Variants in NMNAT2 observed in about 807,000 individuals in gnomAD.
NMNAT2 encodes nicotinamide/nicotinic acid mononucleotide adenylyltransferase 2.
NMNAT2 carries 11 observed loss-of-function variants against 41.6 expected under a neutral mutation model. That is an observed-to-expected ratio of 0.26 (90% confidence interval 0.17 to 0.44). The LOEUF (loss-of-function observed/expected upper bound fraction) is 0.44, where lower values mean the gene tolerates loss of function less well. NMNAT2 is among the 20% of genes least tolerant of loss of function. The pLI is 1.00. For synonymous variants in NMNAT2, 148 were observed against 151.2 expected (o/e 0.98, Z 0.16); for missense variants, 288 against 407.7 (o/e 0.71, Z 2.53).
chr1:183,399,985 C>G, intron 1 of NMNAT2, among the ~76,000 whole-genome samples: 1 of 152,154 alleles, frequency 6.6e-6, no homozygotes, highest in East Asian at 1.9e-4. Context: ...TGGAAGCATT[C>G]CCTTTGAAAA....
At chr1:183,411,740 A>G (rs1649123414) in intron 1 of NMNAT2, among the ~76,000 whole-genome samples, 1 of 152,230 alleles carries the variant, frequency 6.6e-6, no homozygotes, top group Non-Finnish European at 1.5e-5. Context: ...AATAATAAGC[A>G]TAAGAAAACA....
intron 1 of NMNAT2, among the ~76,000 whole-genome samples, chr1:183,402,234 T>C (rs754307140): frequency 5.3e-5 from 8 of 152,188 alleles, no homozygotes; most frequent in Non-Finnish European, 1.2e-4. Context: ...TTCAAATCAC[T>C]GATCTTTGTT....
intron 1 of NMNAT2, among the ~76,000 whole-genome samples, chr1:183,378,830 G>A (rs553513160): frequency 9.9e-5 from 15 of 152,130 alleles, no homozygotes; most frequent in Admixed American, 3.3e-4. Context: ...ATTGCTTAAG[G>A]CCAGAAGTTC....
In NMNAT2 at chr1:183,381,395, A is replaced by G. The variant is rs577335023; in HGVS notation, c.85+36788T>C. Among the ~76,000 whole-genome samples, 6 of 152,308 alleles carry G rather than the reference A, an allele frequency of 3.9e-5. No homozygotes were observed. The South Asian group carries it at 1.0e-3, about 26-fold the overall frequency. ...TAATAATGGGTACTATTTTACCTCA[A>G]TAAAAAATAAATGAATAAGGCCAGG... On this transcript the variant is annotated intron_variant, in intron 1 of 10. Coordinates refer to ENST00000287713, the MANE Select transcript of NMNAT2 (RefSeq NM_015039.4).
intron 1 of NMNAT2, among the ~76,000 whole-genome samples, chr1:183,357,624 T>C (rs1663223949): frequency 2.0e-5 from 3 of 152,206 alleles, no homozygotes; most frequent in South Asian, 4.1e-4. Context: ...CTATCAACAG[T>C]GTACAAGCGT....
intron 8 of NMNAT2, among the ~76,000 whole-genome samples, chr1:183,277,657 C>A (rs1661155812): frequency 6.6e-6 from 1 of 151,970 alleles, no homozygotes; most frequent in Non-Finnish European, 1.5e-5. Flanking sequence ...CATAAATGTA[C>A]ACGAACATAT....
At chr1:183,375,423 G>A (rs1663654866) in intron 1 of NMNAT2, among the ~76,000 whole-genome samples, 1 of 152,012 alleles carries the variant, frequency 6.6e-6, no homozygotes, top group Non-Finnish European at 1.5e-5. Context: ...TCTATTTCCT[G>A]AGCCTGACTT....
In NMNAT2 at chr1:183,317,747, G is replaced by A. The variant is rs563891862; in HGVS notation, c.86-23954C>T. Among the ~76,000 whole-genome samples, 43 of 152,314 alleles carry A rather than the reference G, an allele frequency of 2.8e-4. 1 individual carries two copies. The highest frequency in any genetic ancestry group is 3.4e-3 in the Middle Eastern group (1 of 294). On this transcript the variant is annotated intron_variant, in intron 1 of 10. Transcript: ENST00000287713. ...CTGCCTAAGATAACCCCAAGGGCTGGAAGTGGATTCATGAACCCCCACCCA... is the reference window on the plus strand; with the variant it reads ...CTGCCTAAGATAACCCCAAGGGCTGAAAGTGGATTCATGAACCCCCACCCA...
At chr1:183,398,033 A>G (rs565389586) in intron 1 of NMNAT2, among the ~76,000 whole-genome samples, 25 of 152,354 alleles carry the variant, frequency 1.6e-4, no homozygotes, top group South Asian at 6.2e-4. Flanking sequence ...TAACATCATA[A>G]TGACAGGATC....
At chr1:183,366,563 T>C (rs1663418225) in intron 1 of NMNAT2, among the ~76,000 whole-genome samples, 1 of 152,206 alleles carries the variant, frequency 6.6e-6, no homozygotes, top group Non-Finnish European at 1.5e-5. Flanking sequence ...GTGTTATCAT[T>C]GTTGGTATTG....
chr1:183,257,631 C>T (rs1351774215), intron 10 of NMNAT2, among the ~76,000 whole-genome samples: 1 of 152,138 alleles, frequency 6.6e-6, no homozygotes, highest in South Asian at 2.1e-4. Flanking sequence ...TATCCCTGCC[C>T]TCTAGGTTAC....
chr1:183,275,956 T>C (rs1447720190), intron 8 of NMNAT2, among the ~76,000 whole-genome samples: 1 of 152,110 alleles, frequency 6.6e-6, no homozygotes, highest in Non-Finnish European at 1.5e-5. Context: ...ACAGGTGTAA[T>C]ACGCACCCAG....
chr1:183,258,406 G>A (rs1254815384), intron 10 of NMNAT2, among the ~76,000 whole-genome samples: 1 of 152,206 alleles, frequency 6.6e-6, no homozygotes. Flanking sequence ...GGCAGTGAAA[G>A]AGATCTAACT....
intron 1 of NMNAT2, among the ~76,000 whole-genome samples, chr1:183,331,289 G>A (rs1460434435): frequency 1.3e-5 from 2 of 152,184 alleles, no homozygotes; most frequent in Non-Finnish European, 2.9e-5. Flanking sequence ...GGGTCTGGGG[G>A]AGGGTTGCCA....
At chr1:183,327,129 C>G (rs1001195876) in intron 1 of NMNAT2, among the ~76,000 whole-genome samples, 1 of 152,184 alleles carries the variant, frequency 6.6e-6, no homozygotes, top group Non-Finnish European at 1.5e-5. Context: ...CGGCTCACTG[C>G]AACCTCCGCC....
intron 1 of NMNAT2, among the ~76,000 whole-genome samples, chr1:183,401,188 A>C (rs1323687344): frequency 3.3e-5 from 5 of 152,246 alleles, no homozygotes. Flanking sequence ...TAATATCCAG[A>C]ATCTACAAAG....
At chr1:183,253,183 T>G (rs1660435552) in intron 10 of NMNAT2, among the ~76,000 whole-genome samples, 1 of 150,118 alleles carries the variant, frequency 6.7e-6, no homozygotes, top group Non-Finnish European at 1.5e-5. Context: ...TGTTGTAAGA[T>G]ACACATATAT....
chr1:183,310,833 T>C (rs1662098953), intron 1 of NMNAT2, among the ~76,000 whole-genome samples: 1 of 146,044 alleles, frequency 6.8e-6, no homozygotes. Flanking sequence ...GGAAGAATTA[T>C]GGCCCCAAGG....
At chr1:183,319,320 A>G (rs973475963) in intron 1 of NMNAT2, among the ~76,000 whole-genome samples, 1 of 152,276 alleles carries the variant, frequency 6.6e-6, no homozygotes, top group African/African-American at 2.4e-5. Flanking sequence ...CACACCAGTC[A>G]GACTTATAAA....
Sources: gnomAD v4.1 joint callset for allele counts (sites outside exome capture counted in the v4.1 genomes callset) on GRCh38, gnomAD v4.1.1 for gene constraint, MANE v1.5 for transcripts, NCBI Gene and HGNC (gene_info 2026-07-23, HGNC 2026-07-21) for gene names.